Variants in CACNG2 observed in about 807,000 individuals in gnomAD.
The protein encoded by CACNG2 is voltage-dependent calcium channel gamma-2 subunit.
In CACNG2, 3 loss-of-function variants were observed where a neutral mutation model predicts 25.9. That is an observed-to-expected ratio of 0.12 (90% CI 0.05 to 0.30). The LOEUF is 0.30. Ranked by LOEUF, CACNG2 falls within the 10% of genes least tolerant of loss-of-function variation. The probability of loss-of-function intolerance (pLI) is 1.00; values close to 1 mark genes in which losing one functional copy is unlikely to be tolerated. For synonymous variants in CACNG2, 167 were observed against 173.3 expected, an observed-to-expected ratio of 0.96 and a Z score of 0.29; for missense variants, 341 against 432.5, an observed-to-expected ratio of 0.79 and a Z score of 1.88.
At chr22:36,681,814 A>G (rs1937128500) in intron 1 of CACNG2, among the ~76,000 whole-genome samples, 1 of 152,172 alleles carries the variant, frequency 6.6e-6, no homozygotes, top group South Asian at 2.1e-4. Context: ...TGGGAACTGA[A>G]TGAAAAAATA....
At chr22:36,679,215 TTTCTTTCTTTCTTTCC>T (rs1372982921) in intron 1 of CACNG2, among the ~76,000 whole-genome samples, 6 of 137,322 alleles carry the variant, frequency 4.4e-5, no homozygotes, top group African/African-American at 1.1e-4. Context: ...TCTTTCTTTC[TTTCTTTCTTTCTTTCC>T]TTCTTTCTTT....
chr22:36,685,402 G>A lies in CACNG2; in HGVS notation c.211+16964C>T, dbSNP rs147049960. Among the ~76,000 whole-genome samples the A allele has an allele frequency of 5.9e-4, 89 of 152,108 alleles. 2 individuals are homozygous for A. The East Asian group carries it at 0.017, about 29-fold the overall frequency. On this transcript the variant is annotated intron_variant, in intron 1 of 3. Coordinates refer to ENST00000300105, the MANE Select transcript of CACNG2 (RefSeq NM_006078.5). Reference sequence around the variant, plus strand: ...TCGCTATGCTGAGCTTCTGCCCCCCGTCATCCTTACCATGGACCCACCTCT... The same window carrying A: ...TCGCTATGCTGAGCTTCTGCCCCCCATCATCCTTACCATGGACCCACCTCT...
intron 2 of CACNG2, among the ~76,000 whole-genome samples, chr22:36,570,774 A>C (rs1401121808): frequency 6.6e-6 from 1 of 151,296 alleles, no homozygotes; most frequent in Non-Finnish European, 1.5e-5. Flanking sequence ...AAAAAAAAAA[A>C]AAAAAAAAAG....
intron 1 of CACNG2, among the ~76,000 whole-genome samples, chr22:36,596,924 AT>A (rs571087447): frequency 6.6e-6 from 1 of 151,252 alleles, no homozygotes; most frequent in African/African-American, 2.4e-5. Flanking sequence ...TAATTTTTGA[AT>A]TTTTTTTGTA....
At chr22:36,594,536 G>A (rs1041427410) in intron 1 of CACNG2, among the ~76,000 whole-genome samples, 1 of 152,214 alleles carries the variant, frequency 6.6e-6, no homozygotes, top group Non-Finnish European at 1.5e-5. Flanking sequence ...GGAGAGTGGA[G>A]CGTGTCTGGG....
intron 2 of CACNG2, among the ~76,000 whole-genome samples, chr22:36,571,605 G>T (rs1211038318): frequency 2.6e-5 from 4 of 151,914 alleles, no homozygotes; most frequent in Non-Finnish European, 5.9e-5. Context: ...GGCTGGGCTC[G>T]GTGGCTCACA....
chr22:36,583,749 CCT>C (rs1489705164), intron 2 of CACNG2, among the ~76,000 whole-genome samples: 1 of 152,312 alleles, frequency 6.6e-6, no homozygotes, highest in Admixed American at 6.5e-5. Context: ...GGGCTCCCTG[CCT>C]CTGTTTCCAA....
At chr22:36,692,143 G>C in intron 1 of CACNG2, among the ~76,000 whole-genome samples, 1 of 152,226 alleles carries the variant, frequency 6.6e-6, no homozygotes. Flanking sequence ...CAAGGTCAGA[G>C]AGGCTGGCAC....
At chr22:36,623,011 GGTTTTTTT>G (rs1603501897) in intron 1 of CACNG2, among the ~76,000 whole-genome samples, 3 of 93,224 alleles carry the variant, frequency 3.2e-5, no homozygotes, top group African/African-American at 8.8e-5. Context: ...TCAAAACATG[GGTTTTTTT>G]TTTTTTTTTT....
intron 1 of CACNG2, among the ~76,000 whole-genome samples, chr22:36,591,908 G>T (rs1330575531): frequency 6.6e-6 from 1 of 152,008 alleles, no homozygotes; most frequent in Non-Finnish European, 1.5e-5. Flanking sequence ...CCAACGAAAT[G>T]GGAAGCAGGA....
chr22:36,680,993 T>C (rs1325763704), intron 1 of CACNG2, among the ~76,000 whole-genome samples: 1 of 152,124 alleles, frequency 6.6e-6, no homozygotes. Flanking sequence ...TTTATACATT[T>C]ATCCATTAAA....
At chr22:36,677,583 C>T (rs937533973) in intron 1 of CACNG2, among the ~76,000 whole-genome samples, 1 of 152,130 alleles carries the variant, frequency 6.6e-6, no homozygotes, top group Non-Finnish European at 1.5e-5. Flanking sequence ...CCCATTGTGG[C>T]CTTATCGGAT....
At chr22:36,649,635 A>C (rs1013201252) in intron 1 of CACNG2, among the ~76,000 whole-genome samples, 47 of 152,166 alleles carry the variant, frequency 3.1e-4, no homozygotes, top group African/African-American at 1.1e-3. Flanking sequence ...TCCCCAACTG[A>C]ATCTCATCTT....
intron 1 of CACNG2, among the ~76,000 whole-genome samples, chr22:36,649,168 C>T (rs569688490): frequency 4.1e-4 from 62 of 152,314 alleles, no homozygotes; most frequent in African/African-American, 1.3e-3. Flanking sequence ...CCAATCTCCC[C>T]CGGCCTCAAT....
Position 36,664,581 on chromosome 22 carries a change from T to A in CACNG2, c.211+37785A>T, listed in dbSNP as rs145821534. ...GATCAACCTGTCCAAGACCTCACACTGGGTTGTGGACCTGGAATCTGAAGC... is the reference window on the plus strand; with the variant it reads ...GATCAACCTGTCCAAGACCTCACACAGGGTTGTGGACCTGGAATCTGAAGC... On this transcript the variant is annotated intron_variant, in intron 1 of 3. Transcript: ENST00000300105. Among the ~76,000 whole-genome samples the A allele has an allele frequency of 5.5e-4, 84 of 152,274 alleles. 3 individuals are homozygous for A. The East Asian group carries it at 0.014, about 26-fold the overall frequency.
chr22:36,634,503 G>A (rs1209592259), intron 1 of CACNG2, among the ~76,000 whole-genome samples: 9 of 152,190 alleles, frequency 5.9e-5, no homozygotes, highest in East Asian at 1.9e-4. Context: ...TCTATGAATC[G>A]AGCCACTGTG....
In CACNG2 at chr22:36,606,759, T is replaced by C. The variant is rs925751304; in HGVS notation, c.212-19211A>G. 2.9e-4 allele frequency among the ~76,000 whole-genome samples: 20 copies of C among 69,464 alleles called. No homozygotes were observed. The highest frequency in any genetic ancestry group is 1.0e-3 in the African/African-American group (20 of 19,632). The allele number at this position is 69,464 out of a possible 152,430, so 45.6% of individuals were successfully genotyped here. On this transcript the variant is annotated intron_variant, in intron 1 of 3. Transcript: ENST00000300105. The surrounding 1 kb of genome is among the most constrained non-coding windows in gnomAD (Gnocchi z 5.7). ...GGAAACCAGACGGTTGGGCTGTGCGTGTGTGTGTGTGTGTGTGTGTATGTG... is the reference window on the plus strand; with the variant it reads ...GGAAACCAGACGGTTGGGCTGTGCGCGTGTGTGTGTGTGTGTGTGTATGTG...
intron 1 of CACNG2, among the ~76,000 whole-genome samples, chr22:36,596,805 TGGAGTGCAG>T (rs1221742250): frequency 6.6e-6 from 1 of 152,090 alleles, no homozygotes. Flanking sequence ...TTGCCCAGGC[TGGAGTGCAG>T]GGGTGTGATC....
chr22:36,595,730 T>C (rs1344625139), intron 1 of CACNG2, among the ~76,000 whole-genome samples: 1 of 152,132 alleles, frequency 6.6e-6, no homozygotes, highest in Non-Finnish European at 1.5e-5. Flanking sequence ...TCTCCCACCA[T>C]GAACTATAAA....
Sources: allele counts gnomAD v4.1 joint callset (sites outside exome capture counted in the v4.1 genomes callset), GRCh38; gene constraint gnomAD v4.1.1; non-coding constraint Gnocchi (gnomAD v3.1); transcripts MANE v1.5; gene names NCBI Gene and HGNC (gene_info 2026-07-23, HGNC 2026-07-21).